Variants in PTPRD observed in about 807,000 individuals in gnomAD.
PTPRD encodes the protein protein tyrosine phosphatase receptor type D, also known as receptor-type tyrosine-protein phosphatase delta.
Under a neutral mutation model 214.5 loss-of-function variants are expected in PTPRD, and 34 were observed. That is an observed-to-expected ratio of 0.16 (90% CI 0.12 to 0.21). The LOEUF (loss-of-function observed/expected upper bound fraction) is 0.21. Ranked by LOEUF, PTPRD falls within the 10% of genes least tolerant of loss-of-function variation. PTPRD has a pLI of 1.00. For synonymous variants in PTPRD, 1,128 were observed against 845.7 expected, an observed-to-expected ratio of 1.33 and a Z score of -5.79; for missense variants, 2,545 against 2,398.7, an observed-to-expected ratio of 1.06 and a Z score of -1.27.
At chr9:8,695,952 C>G (rs920484610) in intron 12 of PTPRD, among the ~76,000 whole-genome samples, 4 of 152,166 alleles carry the variant, frequency 2.6e-5, no homozygotes, top group Non-Finnish European at 4.4e-5. Context: ...CTGCTCCAAA[C>G]CAAAATCTAG....
intron 35 of PTPRD, among the ~76,000 whole-genome samples, chr9:8,414,983 CAG>C (rs1491323332): frequency 2.7e-5 from 3 of 110,438 alleles, no homozygotes; most frequent in Admixed American, 9.0e-5. Context: ...GACAGACAGA[CAG>C]GGGGCAGTCT....
intron 35 of PTPRD, among the ~76,000 whole-genome samples, chr9:8,429,354 T>C (rs1324201841): frequency 6.6e-6 from 1 of 152,154 alleles, no homozygotes; most frequent in Non-Finnish European, 1.5e-5. Flanking sequence ...CTTATGCTCC[T>C]TACCTCTATG....
At chr9:9,686,315 T>C (rs1261713440) in intron 7 of PTPRD, among the ~76,000 whole-genome samples, 3 of 151,362 alleles carry the variant, frequency 2.0e-5, no homozygotes, top group African/African-American at 4.8e-5. Flanking sequence ...AAAAATTCTA[T>C]ATTTAAACTC....
intron 4 of PTPRD, among the ~76,000 whole-genome samples, chr9:10,001,661 T>C (rs1441264696): frequency 6.6e-6 from 1 of 152,124 alleles, no homozygotes; most frequent in Non-Finnish European, 1.5e-5. Context: ...AAAATTATTT[T>C]TTAAAACATA....
chr9:10,471,455 T>C (rs1234413460), intron 2 of PTPRD, among the ~76,000 whole-genome samples: 2 of 152,120 alleles, frequency 1.3e-5, no homozygotes, highest in Non-Finnish European at 2.9e-5. Flanking sequence ...TGTAGTTTAA[T>C]TGTTTAGAGT....
intron 12 of PTPRD, among the ~76,000 whole-genome samples, chr9:8,703,639 A>G (rs1023841451): frequency 6.6e-6 from 1 of 151,876 alleles, no homozygotes; most frequent in African/African-American, 2.4e-5. Context: ...ACCTCTATTA[A>G]TTCTATTAAC....
At chr9:8,460,707 A>T (rs947004042) in intron 32 of PTPRD, 136 bp from the exon 33 acceptor site, 2 of 778,160 alleles carry the variant, frequency 2.6e-6, no homozygotes, top group Non-Finnish European at 3.9e-6. Flanking sequence ...AGCAAAACAG[A>T]GGGGAGGGGA....
intron 7 of PTPRD, among the ~76,000 whole-genome samples, chr9:9,638,778 C>A (rs755173479): frequency 2.6e-5 from 4 of 152,116 alleles, no homozygotes; most frequent in Non-Finnish European, 5.9e-5. Context: ...AACTTATAAC[C>A]AATAGACAGT....
At chr9:10,373,356 T>C (rs1241060003) in intron 2 of PTPRD, among the ~76,000 whole-genome samples, 2 of 152,094 alleles carry the variant, frequency 1.3e-5, no homozygotes, top group Non-Finnish European at 2.9e-5. Flanking sequence ...GTAACTTTCC[T>C]TGTTCTCTAT....
rs534547074 is a variant in PTPRD, at chr9:9,596,815, A to C, written c.-286-22034T>G. 1.2e-4 allele frequency among the ~76,000 whole-genome samples: 19 copies of C among 152,158 alleles called. No homozygotes were observed. The East Asian group carries it at 3.7e-3, about 29-fold the overall frequency. ...ATTTGCAAATATAGAAATATAAAAC[A>C]CAATCTGCCCTCAACTTAAAATAAC... is the stretch of plus-strand genomic sequence containing the variant. On this transcript the variant is annotated intron_variant, in intron 7 of 45. Transcript: ENST00000381196.
chr9:8,974,592 G>T (rs2099257581), intron 11 of PTPRD, among the ~76,000 whole-genome samples: 1 of 151,836 alleles, frequency 6.6e-6, no homozygotes, highest in Non-Finnish European at 1.5e-5. Flanking sequence ...ATCAGTAGAG[G>T]AATGGCCATT....
At chr9:9,937,855 C>G (rs961447666) in intron 5 of PTPRD, among the ~76,000 whole-genome samples, 4 of 152,128 alleles carry the variant, frequency 2.6e-5, no homozygotes, top group Non-Finnish European at 4.4e-5. Flanking sequence ...AACTGTTATT[C>G]TATTCAGTTT....
Position 8,518,275 on chromosome 9 carries a change from C to T in PTPRD, c.1116G>A (p.Gly372=), listed in dbSNP as rs574305526. The change falls in exon 21 of 46, where the codon GGG becomes GGA. Residue 372 remains glycine (G), a synonymous_variant. Coordinates refer to ENST00000381196, the MANE Select transcript of PTPRD (RefSeq NM_002839.4). ...CGACACTGTAGCGTGTGGTCGCCAC[C>T]CCATCAATTTCTTTGTAAAGTTCCT... The part of the protein sequence containing the change: ...NSEELYKEID[G]VATTRYSVAG... The T allele has an allele frequency of 1.2e-6, 2 of 1,614,052 alleles. No individual in the cohort carries two copies. The highest frequency in any genetic ancestry group is 1.3e-5 in the African/African-American group (1 of 75,004).
At chr9:8,819,676 T>G (rs917188934) in intron 11 of PTPRD, among the ~76,000 whole-genome samples, 1 of 152,134 alleles carries the variant, frequency 6.6e-6, no homozygotes, top group Non-Finnish European at 1.5e-5. Flanking sequence ...AAAAGCTCTT[T>G]GTGAAACTTG....
chr9:8,996,697 G>T (rs1056431875), intron 11 of PTPRD, among the ~76,000 whole-genome samples: 44 of 152,144 alleles, frequency 2.9e-4, no homozygotes, highest in Non-Finnish European at 2.2e-4. Context: ...GGCAGAAGGG[G>T]TAAACAAGCT....
chr9:9,383,769 C>A (rs989416081), intron 9 of PTPRD, among the ~76,000 whole-genome samples: 12 of 151,920 alleles, frequency 7.9e-5, no homozygotes, highest in Non-Finnish European at 1.8e-4. Context: ...TTTATTTCTC[C>A]CTTACGCTAA....
chr9:9,876,884 G>C (rs904869191), intron 5 of PTPRD, among the ~76,000 whole-genome samples: 11 of 152,004 alleles, frequency 7.2e-5, no homozygotes, highest in African/African-American at 2.4e-4. Flanking sequence ...ACAAATTACA[G>C]GATTTTTACT....
chr9:10,272,153 C>T (rs2094457186), intron 3 of PTPRD, among the ~76,000 whole-genome samples: 1 of 152,144 alleles, frequency 6.6e-6, no homozygotes, highest in Non-Finnish European at 1.5e-5. Context: ...ATGTATCTCT[C>T]TATATCTACT....
At chr9:10,145,936 T>C (rs2154271329) in intron 3 of PTPRD, among the ~76,000 whole-genome samples, 1 of 151,458 alleles carries the variant, frequency 6.6e-6, no homozygotes, top group South Asian at 2.1e-4. Flanking sequence ...AGTGTATATG[T>C]ATGCATGTTT....
Sources: allele counts gnomAD v4.1 joint callset (sites outside exome capture counted in the v4.1 genomes callset), GRCh38; gene constraint gnomAD v4.1.1; transcripts MANE v1.5; gene names NCBI Gene and HGNC (gene_info 2026-07-23, HGNC 2026-07-21).